The following RBFOX1 variants were observed in gnomAD, a reference collection of about 807,000 sequenced individuals.
RBFOX1 encodes the protein RNA binding fox-1 homolog 1, also known as RNA binding protein fox-1 homolog 1.
RBFOX1 carries 8 observed loss-of-function variants against 57.7 expected under a neutral mutation model. That is an observed-to-expected ratio of 0.14 (90% CI 0.08 to 0.25). RBFOX1 has a LOEUF of 0.25. Among genes scored for constraint, RBFOX1 ranks in the 10% least tolerant of loss-of-function variants. The probability of loss-of-function intolerance (pLI) is 1.00; values close to 1 mark genes in which losing one functional copy is unlikely to be tolerated. For missense variants in RBFOX1, 611 were observed against 548.5 expected (o/e 1.11, Z -1.14); for synonymous variants, 326 against 222.4 (o/e 1.47, Z -4.15).
intron 3 of RBFOX1, among the ~76,000 whole-genome samples, chr16:5,811,453 ATT>A (rs56359632): frequency 0.14 from 19,784 of 142,936 alleles, 1,539 homozygotes; most frequent in Non-Finnish European, 0.18. Flanking sequence ...GGAACAAAGT[ATT>A]TTTTTTTTTT....
At chr16:6,814,987 G>A (rs1414348085) in intron 3 of RBFOX1, among the ~76,000 whole-genome samples, 5 of 152,106 alleles carry the variant, frequency 3.3e-5, no homozygotes, top group African/African-American at 7.2e-5. Flanking sequence ...GGTATGGGCC[G>A]CCCAGCTGCT....
intron 4 of RBFOX1, among the ~76,000 whole-genome samples, chr16:7,390,553 C>T (rs1033225549): frequency 3.3e-5 from 5 of 152,186 alleles, no homozygotes; most frequent in African/African-American, 4.8e-5. Context: ...GCACCTAAAG[C>T]ATCTTTGCAC....
intron 2 of RBFOX1, among the ~76,000 whole-genome samples, chr16:6,418,946 G>C (rs2093700701): frequency 6.6e-6 from 1 of 152,146 alleles, no homozygotes; most frequent in Non-Finnish European, 1.5e-5. Context: ...GGGAGCAGAA[G>C]GAAAGTGATT....
At chr16:6,981,090 G>T (rs1276739781) in intron 3 of RBFOX1, among the ~76,000 whole-genome samples, 1 of 141,700 alleles carries the variant, frequency 7.1e-6, no homozygotes, top group Non-Finnish European at 1.5e-5. Context: ...GTGAGATCCA[G>T]TACTTTTCCA....
At chr16:5,863,431 T>C (rs1836866) in intron 3 of RBFOX1, among the ~76,000 whole-genome samples, 93,410 of 151,938 alleles carry the variant, frequency 0.61, 28,929 homozygotes, top group African/African-American at 0.65. Context: ...AAGCCCATGG[T>C]TGCAGCTGGC....
In RBFOX1 at chr16:7,424,357, T is replaced by A. The variant is rs142974821; in HGVS notation, c.28-93790T>A. Among the ~76,000 whole-genome samples, 249 of 152,226 alleles carry A rather than the reference T, an allele frequency of 1.6e-3. 1 individual carries two copies. Among genetic ancestry groups the A allele is most frequent in the Middle Eastern group, 6.8e-3 (2 of 294 alleles). On this transcript the variant is annotated intron_variant, in intron 4 of 15. Coordinates refer to ENST00000550418, the MANE Select transcript of RBFOX1 (RefSeq NM_018723.4). ...TGACTGCAACCTCTGCATCCCAGGTTCAAGCGATGCTCCTGCCTCAGCCTC... is the reference window on the plus strand; with the variant it reads ...TGACTGCAACCTCTGCATCCCAGGTACAAGCGATGCTCCTGCCTCAGCCTC...
At chr16:6,851,520 A>G (rs2094062282) in intron 3 of RBFOX1, among the ~76,000 whole-genome samples, 1 of 152,202 alleles carries the variant, frequency 6.6e-6, no homozygotes. Context: ...TATTCACAAC[A>G]TATTTTACAT....
chr16:5,663,579 C>T (rs2049729354), intron 3 of RBFOX1, among the ~76,000 whole-genome samples: 1 of 152,138 alleles, frequency 6.6e-6, no homozygotes, highest in Admixed American at 6.5e-5. Context: ...GCAGGGGGTG[C>T]AATCCCATAT....
intron 3 of RBFOX1, among the ~76,000 whole-genome samples, chr16:5,768,567 C>G (rs983248758): frequency 6.6e-6 from 1 of 152,108 alleles, no homozygotes; most frequent in Admixed American, 6.5e-5. Flanking sequence ...CAGCGTGGAT[C>G]CTGTTTGAAA....
chr16:6,383,091 T>A (rs2795557), intron 2 of RBFOX1, among the ~76,000 whole-genome samples: 6,292 of 152,266 alleles, frequency 0.041, 433 homozygotes, highest in African/African-American at 0.14. Flanking sequence ...CTTGCTGACA[T>A]GTGCTAGCAA....
intron 4 of RBFOX1, among the ~76,000 whole-genome samples, chr16:7,428,323 CTT>C (rs201523653): frequency 1.8e-3 from 207 of 112,314 alleles, no homozygotes; most frequent in African/African-American, 7.1e-3. Flanking sequence ...GAATTAATAT[CTT>C]TTTTTTTTTT....
At chr16:7,175,588 C>G (rs9937791) in intron 4 of RBFOX1, among the ~76,000 whole-genome samples, 1 of 152,080 alleles carries the variant, frequency 6.6e-6, no homozygotes, top group Non-Finnish European at 1.5e-5. Flanking sequence ...CCCATTTGTG[C>G]ATAAGGCACA....
chr16:6,629,801 C>T (rs1412966718), intron 2 of RBFOX1, among the ~76,000 whole-genome samples: 1 of 152,154 alleles, frequency 6.6e-6, no homozygotes, highest in Non-Finnish European at 1.5e-5. Context: ...TAGCCACAGC[C>T]TCTCCATTTA....
rs546280727 is a variant in RBFOX1 at position 5,625,257 on chromosome 16, C to T, written c.318+26296C>T. Among the ~76,000 whole-genome samples, 347 of 152,016 alleles carry T rather than the reference C, an allele frequency of 2.3e-3. 3 individuals carry two copies. Among genetic ancestry groups the T allele is most frequent in the Non-Finnish European group, 3.9e-3 (264 of 67,968 alleles). On this transcript the variant is annotated intron_variant, in intron 3 of 19. Coordinates refer to the RBFOX1 transcript ENST00000641259. ...CCTAGGATCTGTAGCAGGACCTGGG[C>T]GTGGTAGGGGCGTAGGAAGCATTTG...
chr16:6,695,272 A>T lies in RBFOX1; in HGVS notation c.-16+40622A>T, dbSNP rs1408945473. On this transcript the variant is annotated intron_variant, in intron 3 of 15. Coordinates refer to ENST00000550418, the MANE Select transcript of RBFOX1 (RefSeq NM_018723.4). ...CCGTCTCTACTGAAAATAAAAAATT[A>T]GCTGGGCGTGGTGGTGAGTGCCTGT... Among the ~76,000 whole-genome samples, 4 of 152,118 alleles carry T rather than the reference A, an allele frequency of 2.6e-5. No homozygotes were observed. In the South Asian group the frequency reaches 8.3e-4, roughly 32 times the overall value.
chr16:6,716,388 G>T (rs535484357), intron 3 of RBFOX1, among the ~76,000 whole-genome samples: 1 of 152,098 alleles, frequency 6.6e-6, no homozygotes, highest in African/African-American at 2.4e-5. Context: ...TAACTGGAAG[G>T]CTGGAAGTGC....
chr16:7,604,870 AG>A lies in RBFOX1; in HGVS notation c.623-2414del, dbSNP rs2095222176. 2.6e-5 allele frequency among the ~76,000 whole-genome samples: 4 copies of A among 152,324 alleles called. No homozygotes were observed. The South Asian group carries it at 8.3e-4, about 32-fold the overall frequency. Reference sequence around the variant, plus strand: ...AGGTAGTAAGGATATTCAAGAAACAAGACCTGAGATGCACAGTATGGGAAAG... The same window carrying A: ...AGGTAGTAAGGATATTCAAGAAACAAACCTGAGATGCACAGTATGGGAAAG... On this transcript the variant is annotated intron_variant, in intron 9 of 15. Coordinates refer to ENST00000550418, the MANE Select transcript of RBFOX1 (RefSeq NM_018723.4).
chr16:6,735,868 T>C (rs12444062), intron 3 of RBFOX1, among the ~76,000 whole-genome samples: 152,296 of 152,306 alleles, frequency 1, 76,143 homozygotes, highest in Middle Eastern at 1. Flanking sequence ...AGGCCCTCCT[T>C]CTGAGACCTC....
In RBFOX1 at chr16:7,182,834, G is replaced by GT. The variant is rs1156537040; in HGVS notation, c.27+130742dup. On this transcript the variant is annotated intron_variant, in intron 4 of 15. Coordinates refer to ENST00000550418, the MANE Select transcript of RBFOX1 (RefSeq NM_018723.4). ...CTTCCCTTAATCTCCACATTCCTGAGTTTTTTATGGCAATTGCATTTTAGC... is the reference window on the plus strand; with the variant it reads ...CTTCCCTTAATCTCCACATTCCTGAGTTTTTTTATGGCAATTGCATTTTAGC... 4.6e-5 allele frequency among the ~76,000 whole-genome samples: 7 copies of GT among 152,212 alleles called. No individual in the cohort carries two copies. The East Asian group carries it at 1.2e-3, about 25-fold the overall frequency.
Sources: allele counts gnomAD v4.1 joint callset (sites outside exome capture counted in the v4.1 genomes callset), GRCh38; gene constraint gnomAD v4.1.1; transcripts MANE v1.5; gene names NCBI Gene and HGNC (gene_info 2026-07-23, HGNC 2026-07-21).